Variants in TLL1 observed in about 807,000 individuals in gnomAD.
TLL1 encodes the protein tolloid like 1.
TLL1 carries 49 observed loss-of-function variants against 128.2 expected under a neutral mutation model. The observed-to-expected ratio is 0.38, with a 90% CI of 0.30 to 0.48. The LOEUF (loss-of-function observed/expected upper bound fraction) is 0.48, where lower values mean the gene tolerates loss of function less well. TLL1 is among the 20% of genes least tolerant of loss of function. TLL1 has a pLI of 0.96. For synonymous variants in TLL1, 454 were observed against 418.8 expected, an observed-to-expected ratio of 1.08 and a Z score of -1.03; for missense variants, 1,123 against 1,242.0, an observed-to-expected ratio of 0.90 and a Z score of 1.44.
intron 1 of TLL1, among the ~76,000 whole-genome samples, chr4:165,903,066 C>T (rs1009904490): frequency 1.3e-5 from 2 of 152,072 alleles, no homozygotes; most frequent in African/African-American, 2.4e-5. Flanking sequence ...AGGCCGGGTG[C>T]GGTGGCTCAC....
chr4:165,896,649 A>T (rs1579454260), intron 1 of TLL1, among the ~76,000 whole-genome samples: 1 of 151,618 alleles, frequency 6.6e-6, no homozygotes, highest in South Asian at 2.1e-4. Context: ...TGTGCGGCTA[A>T]TTTTTTTGTA....
At chr4:166,089,065 G>C (rs894844948) in intron 18 of TLL1, among the ~76,000 whole-genome samples, 2 of 152,048 alleles carry the variant, frequency 1.3e-5, no homozygotes, top group Non-Finnish European at 2.9e-5. Flanking sequence ...AGGTTTCCCT[G>C]GTTCTTTGCT....
chr4:166,099,583 A>G (rs1742196305), intron 20 of TLL1, 56 bp downstream of exon 20: 1 of 1,583,776 alleles, frequency 6.3e-7, no homozygotes, highest in African/African-American at 1.4e-5. Flanking sequence ...CTATTGATTC[A>G]TGATTGATAT....
intron 1 of TLL1, among the ~76,000 whole-genome samples, chr4:165,927,453 C>T (rs1733327242): frequency 6.6e-6 from 1 of 152,064 alleles, no homozygotes; most frequent in South Asian, 2.1e-4. Context: ...CAGCCATAGA[C>T]CAAGTGACAA....
rs775833668 is a variant in TLL1 at position 166,091,275 on chromosome 4, A to C, written c.2590A>C (p.Met864Leu). The change falls in exon 19 of 21, where the codon ATG (methionine) becomes CTG (leucine). Residue 864 changes from methionine (M) to leucine (L), a missense_variant. Transcript: ENST00000061240. The part of the protein sequence containing the change: ...PDPLVATGNK[M>L]FVRFVSDASV... ...TCCCCTTGTGGCTACTGGAAATAAA[A>C]TGTTTGTTCGGTTTGTTTCTGATGC... 4 of 1,613,156 alleles carry C rather than the reference A, an allele frequency of 2.5e-6. No homozygotes were observed. The highest frequency in any genetic ancestry group is 3.4e-6 in the Non-Finnish European group (4 of 1,179,446).
intron 1 of TLL1, among the ~76,000 whole-genome samples, chr4:165,956,706 G>T (rs1186879647): frequency 6.6e-6 from 1 of 152,044 alleles, no homozygotes; most frequent in Non-Finnish European, 1.5e-5. Flanking sequence ...TGGTCCTGAG[G>T]TGATGTACAT....
intron 1 of TLL1, among the ~76,000 whole-genome samples, chr4:165,909,486 A>G (rs1050985579): frequency 6.6e-6 from 1 of 152,218 alleles, no homozygotes; most frequent in Non-Finnish European, 1.5e-5. Context: ...TAAAGAAAAG[A>G]GTTCCAAGGA....
At chr4:166,098,871 C>T (rs982819310) in intron 19 of TLL1, among the ~76,000 whole-genome samples, 7 of 152,016 alleles carry the variant, frequency 4.6e-5, no homozygotes, top group Non-Finnish European at 7.4e-5. Flanking sequence ...TTATTTGAGA[C>T]TAGAGACAGT....
intron 9 of TLL1, among the ~76,000 whole-genome samples, chr4:166,026,902 G>T (rs1467955721): frequency 1.3e-5 from 2 of 152,026 alleles, no homozygotes; most frequent in African/African-American, 4.8e-5. Context: ...AGTAAAATGG[G>T]CAAATTTCTA....
At chr4:166,091,593 C>A (rs139518773) in intron 19 of TLL1, among the ~76,000 whole-genome samples, 3 of 152,126 alleles carry the variant, frequency 2.0e-5, no homozygotes, top group Non-Finnish European at 4.4e-5. Flanking sequence ...TAGAACAGTG[C>A]AGTTTGTTTA....
At chr4:166,010,844 C>G (rs1207614537) in intron 7 of TLL1, among the ~76,000 whole-genome samples, 1 of 150,402 alleles carries the variant, frequency 6.6e-6, no homozygotes, top group Non-Finnish European at 1.5e-5. Flanking sequence ...AAAAAGAGAC[C>G]AATTTTATTA....
In TLL1 at chr4:165,919,991, G is replaced by C. The variant is rs1418515334; in HGVS notation, c.169+45918G>C. On this transcript the variant is annotated intron_variant, in intron 1 of 20. Transcript: ENST00000061240. ...TAAATCCCTTCAGTGATTGAGGTCT[G>C]TATGAAGTCAGCCATATAAATAGCT... is the stretch of plus-strand genomic sequence containing the variant. 6 of 308,020 alleles carry C rather than the reference G, an allele frequency of 1.9e-5. No individual in the cohort carries two copies. In the Admixed American group the frequency reaches 2.5e-4, roughly 13 times the overall value. The allele number at this position is 308,020 out of a possible 1,614,324, so 19.1% of individuals were successfully genotyped here. A position where few individuals can be genotyped will look rare whatever the true frequency, so the allele number is the denominator to read the frequency against.
At chr4:165,878,920 CTTTTTTTTTTTTTTTT>C (rs140447889) in intron 1 of TLL1, among the ~76,000 whole-genome samples, 3 of 60,460 alleles carry the variant, frequency 5.0e-5, no homozygotes, top group South Asian at 2.3e-3. Flanking sequence ...TGATGGCTTC[CTTTTTTTTTTTTTTTT>C]TTTTTTTTTT....
chr4:165,998,998 A>C lies in TLL1; in HGVS notation c.632+3820A>C, dbSNP rs1020058596. On this transcript the variant is annotated intron_variant, in intron 5 of 20. Transcript: ENST00000061240. ...ACAGAGACTGGCTAACTTAAGCAGA[A>C]AAAACGATTTATTAGAAGGTCCTCG... is the stretch of plus-strand genomic sequence containing the variant. Among the ~76,000 whole-genome samples the C allele has an allele frequency of 2.0e-5, 3 of 152,142 alleles. No homozygotes were observed. The East Asian group carries it at 5.8e-4, about 29-fold the overall frequency.
intron 15 of TLL1, among the ~76,000 whole-genome samples, chr4:166,064,112 A>C (rs78589211): frequency 0.019 from 2,862 of 152,208 alleles, 90 homozygotes; most frequent in African/African-American, 0.061. Flanking sequence ...TATAATGAGA[A>C]AGACTGCAAT....
chr4:165,933,300 G>T (rs1261106295), intron 1 of TLL1, among the ~76,000 whole-genome samples: 3 of 152,074 alleles, frequency 2.0e-5, no homozygotes, highest in Non-Finnish European at 4.4e-5. Flanking sequence ...ATGGTCTTGT[G>T]GGGAGAGGAC....
chr4:166,004,214 A>G (rs149558446), intron 6 of TLL1, among the ~76,000 whole-genome samples: 418 of 152,256 alleles, frequency 2.7e-3, no homozygotes, highest in African/African-American at 9.6e-3. Flanking sequence ...TTTTACGTGC[A>G]TAAAGATCAG....
At chr4:166,015,184 A>T (rs1475074237) in intron 8 of TLL1, among the ~76,000 whole-genome samples, 1 of 152,082 alleles carries the variant, frequency 6.6e-6, no homozygotes, top group Non-Finnish European at 1.5e-5. Context: ...TTAGAAATCT[A>T]GATTCTATGT....
intron 18 of TLL1, among the ~76,000 whole-genome samples, chr4:166,088,753 G>A (rs920722275): frequency 3.9e-5 from 6 of 152,104 alleles, no homozygotes; most frequent in Admixed American, 3.3e-4. Context: ...ATAAAGAGCT[G>A]TAGCCAGTTG....
Sources: gnomAD v4.1 joint callset for allele counts (sites outside exome capture counted in the v4.1 genomes callset) on GRCh38, gnomAD v4.1.1 for gene constraint, MANE v1.5 for transcripts, NCBI Gene and HGNC (gene_info 2026-07-23, HGNC 2026-07-21) for gene names.